CHORDC1: variants seen among roughly 807,000 people sequenced by gnomAD.
CHORDC1 encodes cysteine and histidine-rich domain-containing protein 1.
In CHORDC1, 25 loss-of-function variants were observed where a neutral mutation model predicts 48.3. The observed-to-expected ratio is 0.52, with a 90% CI of 0.38 to 0.72. The LOEUF is 0.72. Among genes scored for constraint, CHORDC1 ranks in the 30% least tolerant of loss-of-function variants. The probability of loss-of-function intolerance (pLI) is 0.00; values close to 1 mark genes in which losing one functional copy is unlikely to be tolerated. For missense variants in CHORDC1, 317 were observed against 388.7 expected, an observed-to-expected ratio of 0.82 and a Z score of 1.55; for synonymous variants, 128 against 126.4, an observed-to-expected ratio of 1.01 and a Z score of -0.09.
chr11:90,202,994 T>A, intron 9 of CHORDC1, 119 bp from the exon 10 acceptor site: 2 of 1,245,824 alleles, frequency 1.6e-6, no homozygotes, highest in Non-Finnish European at 2.2e-6. Flanking sequence ...AAACTGCCAA[T>A]ACTGTATTGT....
At chr11:90,210,444 T>A in intron 6 of CHORDC1, 92 bp downstream of exon 6, 2 of 760,796 alleles carry the variant, frequency 2.6e-6, no homozygotes, top group South Asian at 3.1e-5. Flanking sequence ...ATAATATGCA[T>A]GCAAATGTTT....
chr11:90,214,114 T>C lies in CHORDC1; in HGVS notation c.233A>G (p.Lys78Arg). 1 of 1,613,570 alleles carries C rather than the reference T, an allele frequency of 6.2e-7. No homozygotes were observed. The highest frequency in any genetic ancestry group is 8.5e-7 in the Non-Finnish European group (1 of 1,179,558). ...ACATAGCTCCTTCTTCTCAGTAGTC[T>C]TGACTTCAGGTTTGACTGGCTCAGG... The part of the protein sequence containing the change: ...KPPEPVKPEV[K>R]TTEKKELCEL... The change falls in exon 4 of 11, where the codon AAG becomes AGG. Residue 78 changes from lysine to arginine, a missense_variant. Lys to Arg is a conservative substitution (Grantham distance 26). Coordinates refer to ENST00000320585, the MANE Select transcript of CHORDC1 (RefSeq NM_012124.3).
chr11:90,215,301 C>A, intron 2 of CHORDC1, 71 bp from the exon 3 acceptor site: 2 of 996,996 alleles, frequency 2.0e-6, no homozygotes, highest in Non-Finnish European at 3.0e-6. Flanking sequence ...AAACACTCTA[C>A]TTGCACTTAT....
At chr11:90,205,788 A>C (rs976054152) in intron 7 of CHORDC1, 3 of 514,348 alleles carry the variant, frequency 5.8e-6, no homozygotes, top group Admixed American at 3.8e-5. Flanking sequence ...AAACTAGAGC[A>C]TAATACAGAA....
intron 2 of CHORDC1, 138 bp from the exon 3 acceptor site, chr11:90,215,368 AATT>A: frequency 2.1e-6 from 1 of 470,780 alleles, no homozygotes; most frequent in South Asian, 5.2e-5. Context: ...TGTTGCATAT[AATT>A]CACCTAATCA....
chr11:90,220,077 G>C (rs569771529), intron 1 of CHORDC1, among the ~76,000 whole-genome samples: 3 of 152,288 alleles, frequency 2.0e-5, no homozygotes, highest in African/African-American at 7.2e-5. Context: ...TATCATTAGT[G>C]TTAGTGTATT....
intron 7 of CHORDC1, chr11:90,205,979 A>G (rs1365362740): frequency 1.1e-5 from 6 of 543,472 alleles, no homozygotes; most frequent in South Asian, 2.2e-5. Context: ...CAGGCAGTTT[A>G]TATCACAATG....
At chr11:90,218,252 T>G in intron 1 of CHORDC1, 68 bp from the exon 2 acceptor site, 17 of 1,146,272 alleles carry the variant, frequency 1.5e-5, no homozygotes, top group East Asian at 2.6e-5. Flanking sequence ...TACATGATCA[T>G]CTCCTTAAGG....
At chr11:90,213,404 T>G in intron 4 of CHORDC1, 1 of 699,298 alleles carries the variant, frequency 1.4e-6, no homozygotes. Context: ...AGTACTCAAG[T>G]GTAGCACGAA....
At position 90,223,046 on chromosome 11, in the gene CHORDC1, G is replaced by A. The variant is rs937813191; in HGVS notation, c.-92C>T. ...CCCGTGTCGCTAGCACCGGTCTGAC[G>A]ACTGAGGCGGCTACCGGCTTCCGGA... On this transcript the variant is annotated 5_prime_UTR_variant, in exon 1 of 11. Coordinates refer to ENST00000320585, the MANE Select transcript of CHORDC1 (RefSeq NM_012124.3). 22 of 1,108,204 alleles carry A rather than the reference G, an allele frequency of 2.0e-5. No individual in the cohort carries two copies. Among genetic ancestry groups the A allele is most frequent in the East Asian group, 4.9e-5 (2 of 40,558 alleles). 68.6% of individuals were successfully genotyped at this position (1,108,204 alleles called of 1,614,324 possible). A position where few individuals can be genotyped will look rare whatever the true frequency, so the allele number is the denominator to read the frequency against.
In CHORDC1 at chr11:90,214,016, ACCTTGG is replaced by A; in HGVS notation, c.325_329+1del. 6.2e-7 allele frequency: 1 copy of A among 1,609,668 alleles called. No individual in the cohort carries two copies. The highest frequency in any genetic ancestry group is 8.5e-7 in the Non-Finnish European group (1 of 1,177,944). On this transcript the variant is annotated splice_donor_variant and coding_sequence_variant, in exon 4 of 11. Coordinates refer to ENST00000320585, the MANE Select transcript of CHORDC1 (RefSeq NM_012124.3). LOFTEE classifies it high-confidence loss of function. ...AAAAATATGTAACTGTATAAAGTAT[ACCTTGG>A]TCTTTTTATTGCTTCTACTGGCTTA...
At chr11:90,220,867 T>C (rs868014129) in intron 1 of CHORDC1, among the ~76,000 whole-genome samples, 2 of 152,158 alleles carry the variant, frequency 1.3e-5, no homozygotes, top group African/African-American at 4.8e-5. Context: ...GTTTTCCTCG[T>C]ATACGTCGAT....
intron 6 of CHORDC1, chr11:90,208,450 G>C (rs1435929482): frequency 6.6e-6 from 1 of 151,864 alleles, no homozygotes; most frequent in Non-Finnish European, 1.5e-5. Flanking sequence ...GTTCATAATA[G>C]CATTATTAAA....
intron 8 of CHORDC1, among the ~76,000 whole-genome samples, chr11:90,204,051 A>C (rs527617542): frequency 6.6e-6 from 1 of 152,292 alleles, no homozygotes; most frequent in African/African-American, 2.4e-5. Flanking sequence ...AAATGAGAAC[A>C]ATTTAGTTAC....
chr11:90,216,389 G>T (rs775364202), intron 2 of CHORDC1: 7 of 235,318 alleles, frequency 3.0e-5, no homozygotes, highest in African/African-American at 1.6e-4. Flanking sequence ...CAGCAAGATT[G>T]TCCTTTTCTC....
At chr11:90,209,307 G>A (rs898513630) in intron 6 of CHORDC1, 29 of 151,938 alleles carry the variant, frequency 1.9e-4, no homozygotes, top group African/African-American at 6.8e-4. Context: ...CCTTCACATC[G>A]AATCCATTAG....
intron 1 of CHORDC1, chr11:90,222,447 C>G (rs1041130351): frequency 8.3e-6 from 3 of 362,044 alleles, no homozygotes; most frequent in African/African-American, 6.6e-5. Flanking sequence ...CAACCCGCTG[C>G]TCATCCCGGC....
At chr11:90,219,263 T>TAA (rs35204213) in intron 1 of CHORDC1, among the ~76,000 whole-genome samples, 1 of 151,600 alleles carries the variant, frequency 6.6e-6, no homozygotes, top group Non-Finnish European at 1.5e-5. Flanking sequence ...GACTCCATCT[T>TAA]AAAAAAAACA....
In CHORDC1 at chr11:90,211,199, CAAAAT is replaced by C. The variant is rs776898451; in HGVS notation, c.433+11_433+15del. 6 of 1,497,616 alleles carry C rather than the reference CAAAAT, an allele frequency of 4.0e-6. No individual in the cohort carries two copies. Among genetic ancestry groups the C allele is most frequent in the Non-Finnish European group, 4.6e-6 (5 of 1,080,164 alleles). 92.8% of individuals were successfully genotyped at this position (1,497,616 alleles called of 1,614,324 possible). A position where few individuals can be genotyped will look rare whatever the true frequency, so the allele number is the denominator to read the frequency against. Reference sequence around the variant, plus strand: ...TACCAGAAAATAATTAACAATAAAACAAAATAAAATCTTACCTTTCTTATTTTCTT... The same window carrying C: ...TACCAGAAAATAATTAACAATAAAACAAAATCTTACCTTTCTTATTTTCTT... On this transcript the variant is annotated intron_variant, in intron 5 of 10. Coordinates refer to ENST00000320585, the MANE Select transcript of CHORDC1 (RefSeq NM_012124.3).
Sources: allele counts gnomAD v4.1 joint callset (sites outside exome capture counted in the v4.1 genomes callset), GRCh38; gene constraint gnomAD v4.1.1; transcripts MANE v1.5; gene names NCBI Gene and HGNC (gene_info 2026-07-23, HGNC 2026-07-21).